The following TTC28 variants were observed in gnomAD, a reference collection of about 807,000 sequenced individuals.
TTC28 encodes tetratricopeptide repeat protein 28.
TTC28 carries 61 observed loss-of-function variants against 198.0 expected under a neutral mutation model. The ratio of observed to expected loss-of-function variants is 0.31; its 90% CI spans 0.25 to 0.38. The LOEUF is 0.38. Among genes scored for constraint, TTC28 ranks in the 10% least tolerant of loss-of-function variants. The pLI, the probability that TTC28 is intolerant of heterozygous loss-of-function variation, is 1.00. For missense variants in TTC28, 2,678 were observed against 3,164.0 expected (o/e 0.85, Z 3.69); for synonymous variants, 1,171 against 1,297.8 (o/e 0.90, Z 2.10).
At chr22:28,479,853 T>C (rs146601687) in intron 2 of TTC28, among the ~76,000 whole-genome samples, 1 of 152,322 alleles carries the variant, frequency 6.6e-6, no homozygotes, top group African/African-American at 2.4e-5. Flanking sequence ...ACCACACTTA[T>C]TCCAATCCTT....
At chr22:28,368,198 G>A (rs1013460581) in intron 2 of TTC28, among the ~76,000 whole-genome samples, 46 of 151,794 alleles carry the variant, frequency 3.0e-4, no homozygotes, top group African/African-American at 1.0e-3. Context: ...ATTACATATT[G>A]GATTCAACAA....
rs199534787 is a variant in TTC28, at chr22:28,368,705, T to C, written c.382-62062A>G. Among the ~76,000 whole-genome samples the C allele has an allele frequency of 5.9e-5, 9 of 152,190 alleles. No homozygotes were observed. In the East Asian group the frequency reaches 1.7e-3, roughly 29 times the overall value. Reference sequence around the variant, plus strand: ...TAAACAAATTCAGTAAAGTACAGGATAGAAAGTCAACATACACAAATCAGT... The same window carrying C: ...TAAACAAATTCAGTAAAGTACAGGACAGAAAGTCAACATACACAAATCAGT... On this transcript the variant is annotated intron_variant, in intron 2 of 22. Transcript: ENST00000397906.
At chr22:28,458,807 G>C (rs2047904168) in intron 2 of TTC28, among the ~76,000 whole-genome samples, 1 of 151,730 alleles carries the variant, frequency 6.6e-6, no homozygotes, top group Non-Finnish European at 1.5e-5. Flanking sequence ...CTTGAACCCG[G>C]GAGGCAGAGC....
At chr22:27,990,656 G>A (rs571349101) in intron 20 of TTC28, 133 bp downstream of exon 20, 166 of 792,366 alleles carry the variant, frequency 2.1e-4, no homozygotes, top group Non-Finnish European at 2.8e-4. Flanking sequence ...GCGCACCCGC[G>A]GGGGCGCCGC....
chr22:28,283,926 A>C, intron 5 of TTC28, among the ~76,000 whole-genome samples: 1 of 152,220 alleles, frequency 6.6e-6, no homozygotes, highest in East Asian at 1.9e-4. Context: ...CCAGATGATT[A>C]AACTGAGTTG....
At chr22:28,217,647 AAGC>A (rs781238199) in intron 5 of TTC28, among the ~76,000 whole-genome samples, 12 of 152,192 alleles carry the variant, frequency 7.9e-5, no homozygotes, top group Non-Finnish European at 1.3e-4. Context: ...TAAGAACAAG[AAGC>A]AGCACAGTAT....
At chr22:28,145,370 C>T (rs767862211) in intron 6 of TTC28, among the ~76,000 whole-genome samples, 7 of 152,192 alleles carry the variant, frequency 4.6e-5, no homozygotes, top group Admixed American at 1.3e-4. Context: ...ATGTCTAACT[C>T]CTAGGTCAGC....
intron 2 of TTC28, among the ~76,000 whole-genome samples, chr22:28,409,011 C>CA (rs1159986575): frequency 2.0e-5 from 3 of 152,222 alleles, no homozygotes; most frequent in Non-Finnish European, 4.4e-5. Flanking sequence ...GAATCAGTTC[C>CA]AAGCTTCCAG....
chr22:28,438,982 G>C (rs1312675119), intron 2 of TTC28, among the ~76,000 whole-genome samples: 13 of 152,016 alleles, frequency 8.6e-5, no homozygotes, highest in Non-Finnish European at 1.0e-4. Flanking sequence ...TTAGAAATGA[G>C]TGACAAAATA....
chr22:28,100,210 A>C (rs1193041615), intron 9 of TTC28, among the ~76,000 whole-genome samples: 1 of 152,240 alleles, frequency 6.6e-6, no homozygotes, highest in Non-Finnish European at 1.5e-5. Context: ...TCAAGTACAG[A>C]ATTCTAAGAC....
intron 2 of TTC28, among the ~76,000 whole-genome samples, chr22:28,521,471 T>C (rs1374439628): frequency 2.0e-5 from 3 of 152,036 alleles, no homozygotes; most frequent in Admixed American, 1.3e-4. Flanking sequence ...CAGCTACGAT[T>C]AGAAAAGCCA....
chr22:28,620,767 T>C (rs1290003299), intron 2 of TTC28, among the ~76,000 whole-genome samples: 1 of 152,198 alleles, frequency 6.6e-6, no homozygotes, highest in East Asian at 1.9e-4. Flanking sequence ...CAATAACATC[T>C]GCTTATCATG....
At chr22:28,239,352 A>G (rs925296557) in intron 5 of TTC28, among the ~76,000 whole-genome samples, 1 of 152,166 alleles carries the variant, frequency 6.6e-6, no homozygotes, top group Non-Finnish European at 1.5e-5. Flanking sequence ...TTGGAAATAT[A>G]AAACTGGAAA....
At chr22:28,368,754 A>G (rs1395254764) in intron 2 of TTC28, among the ~76,000 whole-genome samples, 2 of 152,086 alleles carry the variant, frequency 1.3e-5, no homozygotes, top group East Asian at 1.9e-4. Context: ...GCCAACAACA[A>G]GCAATCTGAA....
At chr22:28,511,526 T>C (rs1814643402) in intron 2 of TTC28, among the ~76,000 whole-genome samples, 1 of 151,998 alleles carries the variant, frequency 6.6e-6, no homozygotes, top group Admixed American at 6.6e-5. Flanking sequence ...ATTAAACACT[T>C]AAATGTAAAA....
At chr22:28,416,244 T>C (rs1335299484) in intron 2 of TTC28, among the ~76,000 whole-genome samples, 2 of 152,194 alleles carry the variant, frequency 1.3e-5, no homozygotes, top group Admixed American at 1.3e-4. Flanking sequence ...TATCACAATA[T>C]TCTATGGATT....
At chr22:28,260,720 G>A (rs1931258009) in intron 5 of TTC28, among the ~76,000 whole-genome samples, 1 of 152,168 alleles carries the variant, frequency 6.6e-6, no homozygotes, top group Non-Finnish European at 1.5e-5. Flanking sequence ...TGTTTGGCAT[G>A]ATTTGGCACC....
At chr22:28,465,748 G>A (rs948729105) in intron 2 of TTC28, among the ~76,000 whole-genome samples, 1 of 152,046 alleles carries the variant, frequency 6.6e-6, no homozygotes, top group African/African-American at 2.4e-5. Context: ...TATTAACAAA[G>A]ACCAGACATC....
intron 2 of TTC28, among the ~76,000 whole-genome samples, chr22:28,433,187 A>G (rs1245842602): frequency 2.0e-5 from 3 of 152,278 alleles, no homozygotes; most frequent in Non-Finnish European, 2.9e-5. Flanking sequence ...AATAAGTTAT[A>G]GAAAATGTAT....
Sources: allele counts gnomAD v4.1 joint callset (sites outside exome capture counted in the v4.1 genomes callset), GRCh38; gene constraint gnomAD v4.1.1; transcripts MANE v1.5; gene names NCBI Gene and HGNC (gene_info 2026-07-23, HGNC 2026-07-21).